ANKS1B: variants seen among roughly 807,000 people sequenced by gnomAD.
The protein encoded by ANKS1B is ankyrin repeat and sterile alpha motif domain-containing protein 1B.
A neutral mutation model predicts 148.3 loss-of-function variants in ANKS1B; 36 were observed. The ratio of observed to expected loss-of-function variants is 0.24; its 90% CI spans 0.19 to 0.32. The LOEUF (loss-of-function observed/expected upper bound fraction) is 0.32. Among genes scored for constraint, ANKS1B ranks in the 10% least tolerant of loss-of-function variants. The pLI, the probability that ANKS1B is intolerant of heterozygous loss-of-function variation, is 1.00. For missense variants in ANKS1B, 1,157 were observed against 1,542.6 expected (o/e 0.75, Z 4.19); for synonymous variants, 542 against 560.8 (o/e 0.97, Z 0.47).
intron 4 of ANKS1B, among the ~76,000 whole-genome samples, chr12:99,805,146 T>A (rs1235879426): frequency 6.6e-6 from 1 of 151,136 alleles, no homozygotes; most frequent in East Asian, 1.9e-4. Context: ...TGCACATCAA[T>A]GGCTTACTAA....
At chr12:99,440,484 G>A (rs1366623939) in intron 11 of ANKS1B, among the ~76,000 whole-genome samples, 1 of 151,404 alleles carries the variant, frequency 6.6e-6, no homozygotes, top group Non-Finnish European at 1.5e-5. Flanking sequence ...ATATACTGGA[G>A]AGAAACAAAG....
intron 4 of ANKS1B, among the ~76,000 whole-genome samples, chr12:99,801,443 A>G (rs1259158055): frequency 1.3e-5 from 2 of 152,218 alleles, no homozygotes; most frequent in Non-Finnish European, 2.9e-5. Context: ...ATCAAGTAAG[A>G]GGAGAAGCAG....
chr12:99,890,005 G>A lies in ANKS1B; in HGVS notation c.135-64616C>T, dbSNP rs562406200. ...GAACTGTCATAGTTGAAAACCACTG[G>A]ACTGGCACATGAGAGCCTGATTTCT... On this transcript the variant is annotated intron_variant, in intron 1 of 26. Coordinates refer to ENST00000683438, the MANE Select transcript of ANKS1B (RefSeq NM_001352186.2). Among the ~76,000 whole-genome samples, 3 of 152,140 alleles carry A rather than the reference G, an allele frequency of 2.0e-5. No individual in the cohort carries two copies. The East Asian group carries it at 5.8e-4, about 29-fold the overall frequency.
chr12:99,180,626 GT>G (rs11415606), intron 14 of ANKS1B, among the ~76,000 whole-genome samples: 10,389 of 125,992 alleles, frequency 0.082, 782 homozygotes, highest in African/African-American at 0.22. Context: ...GAGGGAAAGG[GT>G]TTTTTTTTTT....
intron 8 of ANKS1B, among the ~76,000 whole-genome samples, chr12:99,691,516 A>T (rs1239157117): frequency 6.6e-6 from 1 of 152,188 alleles, no homozygotes; most frequent in Non-Finnish European, 1.5e-5. Flanking sequence ...ACAGATCTCT[A>T]GGGCAGGAGC....
chr12:98,991,057 C>G (rs571771731), intron 17 of ANKS1B, among the ~76,000 whole-genome samples: 3 of 152,238 alleles, frequency 2.0e-5, no homozygotes, highest in African/African-American at 7.2e-5. Context: ...GGATGAGGGA[C>G]CTCAGGAAGA....
At chr12:98,845,388 C>T (rs1223876018) in intron 17 of ANKS1B, among the ~76,000 whole-genome samples, 1 of 152,108 alleles carries the variant, frequency 6.6e-6, no homozygotes, top group African/African-American at 2.4e-5. Context: ...TTTTAATGGA[C>T]GTACCTAGCA....
intron 14 of ANKS1B, among the ~76,000 whole-genome samples, chr12:99,214,999 G>A (rs2083936525): frequency 6.6e-6 from 1 of 152,158 alleles, no homozygotes; most frequent in African/African-American, 2.4e-5. Flanking sequence ...AAAGGATTAG[G>A]GTACCTGGTG....
intron 10 of ANKS1B, among the ~76,000 whole-genome samples, chr12:99,487,189 G>A (rs2096501593): frequency 6.6e-6 from 1 of 152,080 alleles, no homozygotes; most frequent in Non-Finnish European, 1.5e-5. Context: ...CCCTTGATTT[G>A]GTACACTCCC....
At chr12:99,210,120 G>A (rs997315457) in intron 14 of ANKS1B, among the ~76,000 whole-genome samples, 1 of 152,108 alleles carries the variant, frequency 6.6e-6, no homozygotes, top group South Asian at 2.1e-4. Flanking sequence ...GCTACTTTTC[G>A]TGTTTCTTTC....
intron 15 of ANKS1B, among the ~76,000 whole-genome samples, chr12:99,141,600 C>A (rs1030454643): frequency 6.6e-6 from 1 of 151,568 alleles, no homozygotes; most frequent in Admixed American, 6.6e-5. Context: ...CCCTGATAGG[C>A]CCCAGTGTGT....
chr12:99,234,091 C>T (rs2087384804), intron 14 of ANKS1B, among the ~76,000 whole-genome samples: 1 of 152,080 alleles, frequency 6.6e-6, no homozygotes, highest in African/African-American at 2.4e-5. Context: ...GTTCAAAAAA[C>T]TACAGAGCTC....
At position 99,596,672 on chromosome 12, in the gene ANKS1B, C is replaced by G. The variant is rs187850564; in HGVS notation, c.1272+58395G>C. Among the ~76,000 whole-genome samples the G allele has an allele frequency of 4.5e-3, 691 of 151,956 alleles. 29 individuals are homozygous for G. In the South Asian group the frequency reaches 0.088, roughly 19 times the overall value. On this transcript the variant is annotated intron_variant, in intron 9 of 26. Transcript: ENST00000683438. ...ATAAACTTTGTCTAGCACAAAAATGCACAAGTTGTTTTCTCAAAATTAGTG... is the reference window on the plus strand; with the variant it reads ...ATAAACTTTGTCTAGCACAAAAATGGACAAGTTGTTTTCTCAAAATTAGTG...
chr12:99,150,355 G>A (rs2074492805), intron 15 of ANKS1B, among the ~76,000 whole-genome samples: 1 of 152,172 alleles, frequency 6.6e-6, no homozygotes, highest in Admixed American at 6.5e-5. Context: ...CCTAATTCTA[G>A]AGAGAGAATC....
intron 17 of ANKS1B, among the ~76,000 whole-genome samples, chr12:98,994,110 AT>A (rs2099928186): frequency 6.6e-6 from 1 of 152,138 alleles, no homozygotes; most frequent in Admixed American, 6.5e-5. Context: ...ATATATGTGG[AT>A]TCCCACAGCG....
chr12:99,284,041 T>C (rs1225057191), intron 12 of ANKS1B, among the ~76,000 whole-genome samples: 1 of 152,162 alleles, frequency 6.6e-6, no homozygotes, highest in Non-Finnish European at 1.5e-5. Context: ...ACCCTGAGGA[T>C]TATCTTTTAC....
At chr12:99,112,482 T>TTG (rs2060493269) in intron 15 of ANKS1B, among the ~76,000 whole-genome samples, 1 of 151,908 alleles carries the variant, frequency 6.6e-6, no homozygotes, top group African/African-American at 2.4e-5. Context: ...TCTTGTCTTT[T>TTG]TTGTTGTTGT....
At chr12:99,588,753 G>A (rs1230533748) in intron 9 of ANKS1B, among the ~76,000 whole-genome samples, 1 of 152,152 alleles carries the variant, frequency 6.6e-6, no homozygotes, top group Admixed American at 6.5e-5. Flanking sequence ...GTTAGCTGGA[G>A]ATAGGGACAT....
At chr12:99,607,241 C>T (rs2097857610) in intron 9 of ANKS1B, among the ~76,000 whole-genome samples, 1 of 152,104 alleles carries the variant, frequency 6.6e-6, no homozygotes, top group Non-Finnish European at 1.5e-5. Context: ...AAACTAAATA[C>T]ATAGGCTCAC....
Sources: allele counts gnomAD v4.1 joint callset (sites outside exome capture counted in the v4.1 genomes callset), GRCh38; gene constraint gnomAD v4.1.1; transcripts MANE v1.5; gene names NCBI Gene and HGNC (gene_info 2026-07-23, HGNC 2026-07-21).